TMX3: variants seen among roughly 807,000 people sequenced by gnomAD.
TMX3 encodes thioredoxin related transmembrane protein 3, also known as protein disulfide-isomerase TMX3.
A neutral mutation model predicts 64.4 loss-of-function variants in TMX3; 40 were observed. The observed-to-expected ratio is 0.62, with a 90% confidence interval of 0.48 to 0.81. The LOEUF is 0.81. Ranked by LOEUF, TMX3 falls within the 30% of genes least tolerant of loss-of-function variation. The pLI, the probability that TMX3 is intolerant of heterozygous loss-of-function variation, is 0.00. For synonymous variants in TMX3, 189 were observed against 175.7 expected (o/e 1.08, Z -0.60); for missense variants, 497 against 534.5 (o/e 0.93, Z 0.69).
rs1279225471 is a variant in TMX3, at chr18:68,707,941, ATATATATGTG to A, written c.265+2070_265+2079del. 1.4e-3 allele frequency among the ~76,000 whole-genome samples: 207 copies of A among 147,570 alleles called. 1 individual carries two copies. Among genetic ancestry groups the A allele is most frequent in the African/African-American group, 4.2e-3 (169 of 40,486 alleles). On this transcript the variant is annotated intron_variant, in intron 4 of 15. Transcript: ENST00000299608. ...TGTGTGTATATGTGTATATATGTGTATATATATGTGTATATATGTGTATATGTGTACATAT... is the reference window on the plus strand; with the variant it reads ...TGTGTGTATATGTGTATATATGTGTATATATATGTGTATATGTGTACATAT...
Position 68,707,614 on chromosome 18 carries a change from T to C in TMX3, c.265+2407A>G, listed in dbSNP as rs117014710. ...TATATGCACTATTTTTCTCATTGACTGTTTATCTTCATAGTCCCACATTCC... is the reference window on the plus strand; with the variant it reads ...TATATGCACTATTTTTCTCATTGACCGTTTATCTTCATAGTCCCACATTCC... On this transcript the variant is annotated intron_variant, in intron 4 of 15. Coordinates refer to ENST00000299608, the MANE Select transcript of TMX3 (RefSeq NM_019022.5). 1.5e-3 allele frequency among the ~76,000 whole-genome samples: 222 copies of C among 152,360 alleles called. 3 individuals are homozygous for C. The East Asian group carries it at 0.039, about 27-fold the overall frequency.
chr18:68,711,376 A>C lies in TMX3; in HGVS notation c.129T>G (p.Ile43Met), dbSNP rs778262195. ...ESFKENRNDD[I>M]WLVDFYAPWC... ...TTTACATACTTACATCTACAAGCCA[A>C]ATGTCATCATTTCGATTTTCTTTAA... Residue 43 changes from isoleucine to methionine, a missense_variant, in exon 3 of 16, where the codon ATT becomes ATG. Physicochemically the swap from Ile to Met is conservative, Grantham distance 10 (BLOSUM62 1). Around this residue, in one of 3 missense-constraint regions of TMX3, gnomAD observed 360 missense variants for 383.5 expected, o/e 0.94. Transcript: ENST00000299608. 1.3e-6 allele frequency: 2 copies of C among 1,589,588 alleles called. No homozygotes were observed. Among genetic ancestry groups the C allele is most frequent in the Non-Finnish European group, 1.7e-6 (2 of 1,164,936 alleles).
At position 68,700,504 on chromosome 18, in the gene TMX3, ATT is replaced by A; in HGVS notation, c.312-21_312-20del. On this transcript the variant is annotated intron_variant, in intron 5 of 15. Coordinates refer to ENST00000299608, the MANE Select transcript of TMX3 (RefSeq NM_019022.5). ...TTTTAATCTTTAAAAAAAAAAAAAAATTAAAACCTGGATTGTTCTAACAGTTT... is the reference window on the plus strand; with the variant it reads ...TTTTAATCTTTAAAAAAAAAAAAAAAAAAACCTGGATTGTTCTAACAGTTT... 1.7e-5 allele frequency: 25 copies of A among 1,431,818 alleles called. No individual in the cohort carries two copies. Among genetic ancestry groups the A allele is most frequent in the East Asian group, 2.3e-5 (1 of 42,896 alleles). 88.7% of individuals were successfully genotyped at this position (1,431,818 alleles called of 1,614,324 possible).
chr18:68,691,572 G>A (rs938465363), intron 8 of TMX3, among the ~76,000 whole-genome samples: 3 of 152,130 alleles, frequency 2.0e-5, no homozygotes, highest in African/African-American at 7.2e-5. Flanking sequence ...ACAATGTCCT[G>A]TTTGCTATAG....
chr18:68,704,531 A>G (rs1167613589), intron 4 of TMX3, among the ~76,000 whole-genome samples: 1 of 152,236 alleles, frequency 6.6e-6, no homozygotes, highest in Non-Finnish European at 1.5e-5. Context: ...TAAAACAGGA[A>G]GATTCGGTAA....
At position 68,691,238 on chromosome 18, in the gene TMX3, T is replaced by C. The variant is rs750979680; in HGVS notation, c.637+57A>G. 8.1e-6 allele frequency: 10 copies of C among 1,233,364 alleles called. No homozygotes were observed. In the African/African-American group the frequency reaches 1.4e-4, roughly 17 times the overall value. 76.4% of individuals were successfully genotyped at this position (1,233,364 alleles called of 1,614,324 possible). On this transcript the variant is annotated intron_variant, in intron 9 of 15. Transcript: ENST00000299608. ...TTACATAATCTTTACACCTAAGTTGTATAACAGACATTTTAATTTTAAAAT... is the reference window on the plus strand; with the variant it reads ...TTACATAATCTTTACACCTAAGTTGCATAACAGACATTTTAATTTTAAAAT...
intron 3 of TMX3, 128 bp downstream of exon 3, chr18:68,711,232 ATACT>A: frequency 1.9e-6 from 1 of 514,912 alleles, no homozygotes. Context: ...AAATATAGTA[ATACT>A]TAAGAAAACA....
intron 15 of TMX3, among the ~76,000 whole-genome samples, chr18:68,678,032 A>G (rs537244447): frequency 6.6e-6 from 1 of 152,092 alleles, no homozygotes; most frequent in Non-Finnish European, 1.5e-5. Flanking sequence ...AGTGATCAAA[A>G]TCGATTATTT....
intron 4 of TMX3, among the ~76,000 whole-genome samples, chr18:68,705,872 T>A (rs540904541): frequency 3.9e-5 from 6 of 152,358 alleles, no homozygotes; most frequent in African/African-American, 1.4e-4. Context: ...TTTGCTGGAC[T>A]GAGTCTGATG....
intron 3 of TMX3, 134 bp downstream of exon 3, chr18:68,711,230 T>C: frequency 2.0e-6 from 1 of 506,584 alleles, no homozygotes; most frequent in South Asian, 5.3e-5. Flanking sequence ...TCAAATATAG[T>C]AATACTTAAG....
intron 9 of TMX3, among the ~76,000 whole-genome samples, chr18:68,689,326 G>A (rs1914278753): frequency 6.6e-6 from 1 of 151,428 alleles, no homozygotes; most frequent in Admixed American, 6.6e-5. Flanking sequence ...TGCTTTCCTA[G>A]GCAGGCTCAA....
rs1914007882 is a variant in TMX3 at position 68,686,828 on chromosome 18, C to T, written c.736+839G>A. 4.1e-6 allele frequency: 4 copies of T among 985,068 alleles called. No individual in the cohort carries two copies. The South Asian group carries it at 1.9e-4, about 46-fold the overall frequency. 61.0% of individuals were successfully genotyped at this position (985,068 alleles called of 1,614,324 possible). On this transcript the variant is annotated intron_variant, in intron 10 of 15. Coordinates refer to ENST00000299608, the MANE Select transcript of TMX3 (RefSeq NM_019022.5). ...GCAAAGGCAGAAATATCACTAGACA[C>T]AGAACATTAAAAGCAAGCTCAGGAA... is the stretch of plus-strand genomic sequence containing the variant.
chr18:68,713,973 C>T, intron 1 of TMX3, 73 bp from the exon 2 acceptor site: 1 of 1,120,478 alleles, frequency 8.9e-7, no homozygotes, highest in South Asian at 1.6e-5. Context: ...TTAGTCATCT[C>T]TGAAGTGTTT....
intron 6 of TMX3, among the ~76,000 whole-genome samples, chr18:68,699,868 T>A (rs1599328083): frequency 6.6e-6 from 1 of 152,184 alleles, no homozygotes; most frequent in Admixed American, 6.5e-5. Context: ...CCTTTGGGTT[T>A]TAACTATGTC....
intron 13 of TMX3, among the ~76,000 whole-genome samples, chr18:68,681,849 A>G (rs981331095): frequency 1.3e-5 from 2 of 152,260 alleles, no homozygotes; most frequent in South Asian, 2.1e-4. Context: ...CCCCATCTTC[A>G]TTTAGAGACT....
intron 7 of TMX3, chr18:68,697,620 A>G (rs1203575322): frequency 2.7e-6 from 1 of 373,522 alleles, no homozygotes; most frequent in African/African-American, 2.1e-5. Flanking sequence ...GTGTATACAC[A>G]CATACAAAGT....
rs751307620 is a variant in TMX3 at position 68,710,031 on chromosome 18, A to G, written c.255T>C (p.Thr85=). The G allele has an allele frequency of 6.3e-7, 1 of 1,588,452 alleles. No individual in the cohort carries two copies. Among genetic ancestry groups the G allele is most frequent in the South Asian group, 1.2e-5 (1 of 85,914 alleles). Residue 85 remains threonine (T), a synonymous_variant, in exon 4 of 16, where the codon ACT becomes ACC. Transcript: ENST00000299608. ...TAAGTGAAGGCTTACTAGAATAGGA[A>G]GTAGCATCCATCTTTCCAACCTTAA... ...SPVKVGKMDA[T]SYSSIASEFG...
chr18:68,679,668 A>G, intron 14 of TMX3, 137 bp from the exon 15 acceptor site: 1 of 650,558 alleles, frequency 1.5e-6, no homozygotes, highest in Non-Finnish European at 2.5e-6. Context: ...CATGTGGTAA[A>G]CATTTACTGT....
In TMX3 at chr18:68,673,906, T is replaced by C. The variant is rs2144990255; in HGVS notation, c.*3027A>G. 1.3e-5 allele frequency: 2 copies of C among 152,280 alleles called. No homozygotes were observed. The highest frequency in any genetic ancestry group is 2.1e-4 in the South Asian group (1 of 4,822). The allele number at this position is 152,280 out of a possible 1,614,324, so 9.4% of individuals were successfully genotyped here. A position where few individuals can be genotyped will look rare whatever the true frequency, so the allele number is the denominator to read the frequency against. ...AAAATGTCAAGCCTAATCCCACCAA[T>C]TGATAGTCTTAATATCCTACACTGG... On this transcript the variant is annotated 3_prime_UTR_variant, in exon 16 of 16. Transcript: ENST00000299608.
Sources: gnomAD v4.1 joint callset for allele counts (sites outside exome capture counted in the v4.1 genomes callset) on GRCh38, gnomAD v4.1.1 for gene constraint, gnomAD v4.1.1 regional missense constraint, MANE v1.5 for transcripts, NCBI Gene and HGNC (gene_info 2026-07-23, HGNC 2026-07-21) for gene names.